Variants in BIRC6 observed in about 807,000 individuals in gnomAD.
BIRC6 encodes dual E2 ubiquitin-conjugating enzyme/E3 ubiquitin-protein ligase BIRC6.
A neutral mutation model predicts 503.3 loss-of-function variants in BIRC6; 98 were observed. The observed-to-expected ratio is 0.19, with a 90% CI of 0.17 to 0.23. The LOEUF is 0.23. BIRC6 is among the 10% of genes least tolerant of loss of function. The pLI is 1.00. For missense variants in BIRC6, 5,360 were observed against 5,806.0 expected (o/e 0.92, Z 2.50); for synonymous variants, 2,240 against 2,078.7 (o/e 1.08, Z -2.11).
At chr2:32,543,199 G>A (rs1319401595) in intron 61 of BIRC6, 42 bp from the exon 62 acceptor site, 1 of 1,570,944 alleles carries the variant, frequency 6.4e-7, no homozygotes, top group Admixed American at 1.7e-5. Context: ...ATCTGATGTT[G>A]AAAATGTGAA....
At chr2:32,418,311 C>T (rs1272969314) in intron 10 of BIRC6, among the ~76,000 whole-genome samples, 1 of 152,146 alleles carries the variant, frequency 6.6e-6, no homozygotes, top group Non-Finnish European at 1.5e-5. Flanking sequence ...AGAACTTTAC[C>T]TGTGTTCGTT....
chr2:32,416,077 C>G lies in BIRC6; in HGVS notation c.2786C>G (p.Pro929Arg). ...NFEILAKVEP[P>R]KKEGTEEQDT... The stretch of plus-strand genomic sequence containing the variant: ...GAAATTTTGGCCAAAGTGGAGCCTC[C>G]CAAAAAGGAGGGCACTGAGGAACAG... The change falls in exon 10 of 74, where the codon CCC (proline) becomes CGC (arginine). Residue 929 changes from proline to arginine, a missense_variant. Around this residue, in one of 16 missense-constraint regions of BIRC6, gnomAD observed 700 missense variants for 739.3 expected, o/e 0.95. Coordinates refer to ENST00000421745, the MANE Select transcript of BIRC6 (RefSeq NM_016252.4). 1.9e-6 allele frequency: 3 copies of G among 1,613,670 alleles called. No individual in the cohort carries two copies. The highest frequency in any genetic ancestry group is 2.5e-6 in the Non-Finnish European group (3 of 1,179,830).
chr2:32,556,875 G>A (rs1336867722), intron 65 of BIRC6, among the ~76,000 whole-genome samples: 2 of 152,078 alleles, frequency 1.3e-5, no homozygotes, highest in Non-Finnish European at 2.9e-5. Flanking sequence ...GGAGGCAGAG[G>A]TTGCAGTGAG....
At chr2:32,464,432 A>G (rs1018908479) in intron 24 of BIRC6, 77 bp from the exon 25 acceptor site, 3 of 1,405,146 alleles carry the variant, frequency 2.1e-6, no homozygotes, top group Admixed American at 2.7e-5. Flanking sequence ...TCTTCATAAT[A>G]TATGTCCATG....
intron 1 of BIRC6, among the ~76,000 whole-genome samples, chr2:32,364,758 GT>G (rs368564629): frequency 8.3e-4 from 112 of 135,018 alleles, no homozygotes; most frequent in Middle Eastern, 3.7e-3. Flanking sequence ...TAGATCGGGT[GT>G]TTTTTTTTTT....
chr2:32,559,912 AG>A (rs1255585001), intron 65 of BIRC6, among the ~76,000 whole-genome samples: 1 of 151,968 alleles, frequency 6.6e-6, no homozygotes, highest in Non-Finnish European at 1.5e-5. Context: ...GCTGCTTGGA[AG>A]GCTGAGGCAG....
chr2:32,390,969 A>G (rs2039156186), intron 4 of BIRC6, among the ~76,000 whole-genome samples: 1 of 152,246 alleles, frequency 6.6e-6, no homozygotes, highest in Non-Finnish European at 1.5e-5. Flanking sequence ...TAATCAGATT[A>G]TCTGGTGATA....
intron 59 of BIRC6, among the ~76,000 whole-genome samples, chr2:32,526,026 A>G (rs1558973059): frequency 6.6e-6 from 1 of 152,134 alleles, no homozygotes; most frequent in African/African-American, 2.4e-5. Context: ...CCCAGATAAA[A>G]CACATTTATT....
At chr2:32,549,125 A>C in intron 64 of BIRC6, 188 bp from the exon 65 acceptor site, 1 of 409,626 alleles carries the variant, frequency 2.4e-6, no homozygotes, top group Non-Finnish European at 4.3e-6. Flanking sequence ...CTTTGTAAGC[A>C]ACACTCTCAG....
At chr2:32,532,084 C>A in intron 61 of BIRC6, 1 of 524,824 alleles carries the variant, frequency 1.9e-6, no homozygotes. Context: ...AAAAACAAAA[C>A]TTTGTGTTTG....
chr2:32,430,825 T>C, intron 11 of BIRC6, 40 bp from the exon 12 acceptor site: 1 of 1,044,720 alleles, frequency 9.6e-7, no homozygotes. Context: ...TTTTTTTTTT[T>C]TCCACACCTA....
At position 32,357,430 on chromosome 2, in the gene BIRC6, C is replaced by G; in HGVS notation, c.269C>G (p.Thr90Ser). 2 of 1,549,998 alleles carry G rather than the reference C, an allele frequency of 1.3e-6. No homozygotes were observed. The highest frequency in any genetic ancestry group is 1.7e-6 in the Non-Finnish European group (2 of 1,146,922). ...ATCCTGGCCGTCACTAGCCGCGGGA[C>G]CATCAAAGTCATCGACGGCACCTCG... Reference protein sequence around the residue: ...NAILAVTSRGTIKVIDGTSGA... With the variant: ...NAILAVTSRGSIKVIDGTSGA... The change falls in exon 1 of 74, where the codon ACC becomes AGC. Residue 90 changes from threonine to serine, a missense_variant. By Grantham distance (58) the Thr-to-Ser change is moderately conservative. Transcript: ENST00000421745. The surrounding 1 kb of genome is among the most constrained non-coding windows in gnomAD (Gnocchi z 4.9).
chr2:32,470,400 G>T, intron 31 of BIRC6, 99 bp downstream of exon 31: 1 of 1,172,316 alleles, frequency 8.5e-7, no homozygotes. Context: ...ATTATTTGCA[G>T]CACATTTAAT....
chr2:32,447,715 A>T (rs1426404655), intron 21 of BIRC6, among the ~76,000 whole-genome samples: 1 of 58,206 alleles, frequency 1.7e-5, no homozygotes, highest in African/African-American at 7.6e-5. Context: ...GACCCCCCCC[A>T]CCTCCCTCCT....
At chr2:32,398,539 T>A (rs1420036868) in intron 6 of BIRC6, among the ~76,000 whole-genome samples, 1 of 152,248 alleles carries the variant, frequency 6.6e-6, no homozygotes, top group Non-Finnish European at 1.5e-5. Flanking sequence ...TATTTTATTT[T>A]TAAAATTTTT....
intron 61 of BIRC6, among the ~76,000 whole-genome samples, chr2:32,534,335 T>A (rs1252184735): frequency 1.4e-5 from 2 of 147,562 alleles, no homozygotes; most frequent in African/African-American, 5.0e-5. Context: ...GATGGCTTCA[T>A]TGCACTCAAG....
intron 23 of BIRC6, 159 bp downstream of exon 23, chr2:32,454,101 T>C: frequency 1.1e-5 from 3 of 278,546 alleles, no homozygotes; most frequent in South Asian, 1.4e-4. Context: ...TAAATCGTTT[T>C]ATATTCTTTC....
At chr2:32,432,210 G>GT (rs1182782504) in intron 12 of BIRC6, among the ~76,000 whole-genome samples, 8 of 152,172 alleles carry the variant, frequency 5.3e-5, no homozygotes, top group African/African-American at 1.9e-4. Flanking sequence ...GAGGCCAGGA[G>GT]TTTAAGACCA....
chr2:32,583,964 T>C (rs2060859714), intron 66 of BIRC6, among the ~76,000 whole-genome samples: 1 of 152,172 alleles, frequency 6.6e-6, no homozygotes, highest in Non-Finnish European at 1.5e-5. Flanking sequence ...ACTCCTGACC[T>C]CAGGCGATCT....
Sources: gnomAD v4.1 joint callset for allele counts (sites outside exome capture counted in the v4.1 genomes callset) on GRCh38, gnomAD v4.1.1 for gene constraint, gnomAD v4.1.1 regional missense constraint, Gnocchi (gnomAD v3.1) non-coding constraint, MANE v1.5 for transcripts, NCBI Gene and HGNC (gene_info 2026-07-23, HGNC 2026-07-21) for gene names.